SLC25A36: variants seen among roughly 807,000 people sequenced by gnomAD.
SLC25A36 encodes the protein solute carrier family 25 member 36.
SLC25A36 carries 24 observed loss-of-function variants against 35.3 expected under a neutral mutation model. That is an observed-to-expected ratio of 0.68 (90% CI 0.49 to 0.96). SLC25A36 has a LOEUF of 0.96. Ranked by LOEUF, SLC25A36 falls within the 40% of genes least tolerant of loss-of-function variation. The pLI is 0.00. For missense variants in SLC25A36, 294 were observed against 381.1 expected, an observed-to-expected ratio of 0.77 and a Z score of 1.90; for synonymous variants, 141 against 132.2, an observed-to-expected ratio of 1.07 and a Z score of -0.46.
rs1303984842 is a variant in SLC25A36 at position 140,977,227 on chromosome 3, G to T, written c.*774G>T. The T allele has an allele frequency of 6.6e-6, 1 of 152,026 alleles. No homozygotes were observed. Among genetic ancestry groups the T allele is most frequent in the African/African-American group, 2.4e-5 (1 of 41,396 alleles). The allele number at this position is 152,026 out of a possible 1,614,324, so 9.4% of individuals were successfully genotyped here. ...GAATGAATGCATTTATCTTTTTAGT[G>T]ACTTACTAGTTACGAACTTGAATTA... On this transcript the variant is annotated 3_prime_UTR_variant, in exon 7 of 7. Transcript: ENST00000324194.
intron 1 of SLC25A36, among the ~76,000 whole-genome samples, chr3:140,952,787 C>G (rs1172468210): frequency 1.3e-5 from 2 of 152,100 alleles, no homozygotes; most frequent in Non-Finnish European, 2.9e-5. Context: ...GCTTTATGTG[C>G]TCATGTTGCT....
intron 4 of SLC25A36, chr3:140,965,936 T>C (rs1934746926): frequency 6.6e-6 from 1 of 151,904 alleles, no homozygotes; most frequent in Admixed American, 6.6e-5. Flanking sequence ...TACTTCTTTC[T>C]TTATACTAAT....
At chr3:140,971,333 A>G (rs1009355280) in intron 5 of SLC25A36, among the ~76,000 whole-genome samples, 1 of 152,172 alleles carries the variant, frequency 6.6e-6, no homozygotes, top group African/African-American at 2.4e-5. Context: ...GCCTCGCAGA[A>G]GCTAAGTAAG....
At chr3:140,963,019 A>G (rs1032844940) in intron 3 of SLC25A36, 108 bp from the exon 4 acceptor site, 15 of 619,666 alleles carry the variant, frequency 2.4e-5, no homozygotes, top group Middle Eastern at 4.1e-4. Flanking sequence ...TGTGGCTAGG[A>G]CTTTATGGTT....
chr3:140,965,928 C>T (rs1034847177), intron 4 of SLC25A36: 2 of 151,768 alleles, frequency 1.3e-5, no homozygotes, highest in African/African-American at 4.8e-5. Flanking sequence ...TGTTAAATTA[C>T]TTCTTTCTTT....
At chr3:140,968,850 G>A in intron 4 of SLC25A36, 1 of 338,408 alleles carries the variant, frequency 3.0e-6, no homozygotes, top group Non-Finnish European at 4.2e-6. Context: ...TACCTAGATT[G>A]GCTGTTTTTT....
chr3:140,946,372 A>G (rs1675684771), intron 1 of SLC25A36, among the ~76,000 whole-genome samples: 1 of 152,220 alleles, frequency 6.6e-6, no homozygotes, highest in South Asian at 2.1e-4. Flanking sequence ...TATGGCCAGA[A>G]TGATAGAGCC....
At chr3:140,954,427 G>C (rs903379542) in intron 1 of SLC25A36, among the ~76,000 whole-genome samples, 1 of 152,226 alleles carries the variant, frequency 6.6e-6, no homozygotes, top group African/African-American at 2.4e-5. Context: ...ATAGGGCTGT[G>C]TGGCAGTGTT....
At chr3:140,968,143 T>C in intron 4 of SLC25A36, 1 of 960,940 alleles carries the variant, frequency 1.0e-6, no homozygotes, top group Non-Finnish European at 1.2e-6. Context: ...ATTGGCTTCA[T>C]TTCTTAGATT....
intron 1 of SLC25A36, among the ~76,000 whole-genome samples, chr3:140,946,968 G>A (rs937595092): frequency 3.9e-5 from 6 of 152,166 alleles, no homozygotes; most frequent in Non-Finnish European, 7.3e-5. Context: ...GGGACCACGA[G>A]CTACCTACCC....
At chr3:140,970,663 G>C (rs76389090) in intron 4 of SLC25A36, 7,107 of 262,676 alleles carry the variant, frequency 0.027, 172 homozygotes, top group Non-Finnish European at 0.034. Context: ...GCACCCTAAA[G>C]GATATTCTAA....
At chr3:140,970,878 A>C (rs1422187268) in intron 4 of SLC25A36, 49 bp from the exon 5 acceptor site, 3 of 818,916 alleles carry the variant, frequency 3.7e-6, no homozygotes, top group Non-Finnish European at 4.3e-6. Context: ...TAAAGTTAAT[A>C]GTGAATTCTT....
chr3:140,973,673 C>T, intron 5 of SLC25A36, 43 bp from the exon 6 acceptor site: 1 of 1,357,610 alleles, frequency 7.4e-7, no homozygotes, highest in Middle Eastern at 2.4e-4. Flanking sequence ...ATTTTACTTA[C>T]TTTAAAAAAC....
intron 1 of SLC25A36, among the ~76,000 whole-genome samples, chr3:140,953,747 A>G (rs1934399437): frequency 6.6e-6 from 1 of 152,298 alleles, no homozygotes; most frequent in Non-Finnish European, 1.5e-5. Flanking sequence ...CCTTGAGGCT[A>G]GGAGTTCAAG....
chr3:140,972,230 C>G (rs1182965954), intron 5 of SLC25A36, among the ~76,000 whole-genome samples: 1 of 152,144 alleles, frequency 6.6e-6, no homozygotes, highest in Non-Finnish European at 1.5e-5. Context: ...CCAGGAAAAG[C>G]ATGACTTAAA....
chr3:140,959,993 A>G (rs1336040828), intron 3 of SLC25A36, among the ~76,000 whole-genome samples: 1 of 152,062 alleles, frequency 6.6e-6, no homozygotes, highest in African/African-American at 2.4e-5. Context: ...TGGACCTGAG[A>G]TTTTTTTGGG....
rs923214249 is a variant in SLC25A36 at position 140,980,937 on chromosome 3, G to A, written c.*4484G>A. 6.6e-6 allele frequency among the ~76,000 whole-genome samples: 1 copy of A among 152,140 alleles called. No homozygotes were observed. Among genetic ancestry groups the A allele is most frequent in the South Asian group, 2.1e-4 (1 of 4,828 alleles). Reference sequence around the variant, plus strand: ...TGCTGTGTTTATACAGTGGTGTCATGTGATTTCTTAATAGCCTATAGATCC... The same window carrying A: ...TGCTGTGTTTATACAGTGGTGTCATATGATTTCTTAATAGCCTATAGATCC... On this transcript the variant is annotated 3_prime_UTR_variant, in exon 7 of 7. Transcript: ENST00000324194.
intron 1 of SLC25A36, among the ~76,000 whole-genome samples, chr3:140,948,620 C>T (rs972269506): frequency 1.3e-5 from 2 of 152,206 alleles, no homozygotes; most frequent in Non-Finnish European, 2.9e-5. Flanking sequence ...TTCTGAAGTA[C>T]CTTTTTAAAT....
intron 1 of SLC25A36, among the ~76,000 whole-genome samples, chr3:140,952,294 A>C (rs1235783425): frequency 1.3e-5 from 2 of 152,118 alleles, no homozygotes; most frequent in Non-Finnish European, 2.9e-5. Flanking sequence ...CTAGGATTAC[A>C]GAAGTGAGCC....
Sources: allele counts gnomAD v4.1 joint callset (sites outside exome capture counted in the v4.1 genomes callset), GRCh38; gene constraint gnomAD v4.1.1; transcripts MANE v1.5; gene names NCBI Gene and HGNC (gene_info 2026-07-23, HGNC 2026-07-21).